GPC6: variants seen among roughly 807,000 people sequenced by gnomAD.
GPC6 encodes glypican-6.
Under a neutral mutation model 55.2 loss-of-function variants are expected in GPC6, and 14 were observed. That is an observed-to-expected ratio of 0.25 (90% CI 0.17 to 0.40). The LOEUF is 0.40. Ranked by LOEUF, GPC6 falls within the 10% of genes least tolerant of loss-of-function variation. The probability of loss-of-function intolerance (pLI) is 1.00; values close to 1 mark genes in which losing one functional copy is unlikely to be tolerated. For missense variants in GPC6, 641 were observed against 708.5 expected (o/e 0.90, Z 1.08); for synonymous variants, 278 against 259.6 (o/e 1.07, Z -0.68).
At chr13:93,844,500 T>A (rs1015290894) in intron 3 of GPC6, among the ~76,000 whole-genome samples, 2 of 152,086 alleles carry the variant, frequency 1.3e-5, no homozygotes, top group Non-Finnish European at 2.9e-5. Context: ...TGTTTGTTTT[T>A]TTCTTGTAAA....
At chr13:93,909,017 T>C (rs1411611693) in intron 3 of GPC6, among the ~76,000 whole-genome samples, 1 of 152,152 alleles carries the variant, frequency 6.6e-6, no homozygotes, top group Non-Finnish European at 1.5e-5. Flanking sequence ...ACTACCTATA[T>C]TGTATATATA....
chr13:93,782,874 C>T (rs974841457), intron 2 of GPC6, among the ~76,000 whole-genome samples: 1 of 151,988 alleles, frequency 6.6e-6, no homozygotes, highest in Non-Finnish European at 1.5e-5. Context: ...GGTACATGAA[C>T]AGAATGTGCA....
intron 1 of GPC6, among the ~76,000 whole-genome samples, chr13:93,324,628 C>T (rs1272856060): frequency 7.8e-6 from 1 of 127,774 alleles, no homozygotes; most frequent in African/African-American, 3.2e-5. Flanking sequence ...TCTGAGCAGC[C>T]TAGACAACAA....
chr13:93,314,884 C>T (rs1219556112), intron 1 of GPC6, among the ~76,000 whole-genome samples: 1 of 151,954 alleles, frequency 6.6e-6, no homozygotes, highest in Non-Finnish European at 1.5e-5. Flanking sequence ...ATAAGTTGTG[C>T]TTTTTTGTTT....
chr13:93,241,262 T>A (rs1876418363), intron 1 of GPC6, among the ~76,000 whole-genome samples: 1 of 152,218 alleles, frequency 6.6e-6, no homozygotes, highest in South Asian at 2.1e-4. Context: ...TTCTTCTCCT[T>A]CAGGAATACC....
intron 1 of GPC6, among the ~76,000 whole-genome samples, chr13:93,359,824 T>A (rs1012579571): frequency 4.6e-5 from 7 of 152,180 alleles, no homozygotes; most frequent in Admixed American, 3.9e-4. Context: ...GTCATTCTGT[T>A]CATATAATCT....
chr13:94,162,939 G>C (rs1888219862), intron 4 of GPC6, among the ~76,000 whole-genome samples: 1 of 152,168 alleles, frequency 6.6e-6, no homozygotes, highest in Non-Finnish European at 1.5e-5. Context: ...AGAGACCAGA[G>C]TCGTCCAAGA....
intron 7 of GPC6, among the ~76,000 whole-genome samples, chr13:94,386,187 G>A (rs368861700): frequency 5.3e-5 from 8 of 151,966 alleles, no homozygotes; most frequent in South Asian, 2.1e-4. Context: ...GTGAAACCCC[G>A]TCTCTACTAA....
chr13:93,416,238 T>A (rs1363949184), intron 1 of GPC6, among the ~76,000 whole-genome samples: 8 of 152,242 alleles, frequency 5.3e-5, no homozygotes, highest in Admixed American at 5.2e-4. Context: ...GGACTAAATT[T>A]AATTTTCCAA....
intron 6 of GPC6, among the ~76,000 whole-genome samples, chr13:94,324,358 G>A (rs1178412641): frequency 2.6e-5 from 4 of 151,260 alleles, no homozygotes; most frequent in Admixed American, 1.3e-4. Context: ...AGAAATACTG[G>A]TAGAGGACAT....
At chr13:94,382,141 T>C (rs1880184566) in intron 6 of GPC6, among the ~76,000 whole-genome samples, 1 of 152,152 alleles carries the variant, frequency 6.6e-6, no homozygotes, top group African/African-American at 2.4e-5. Flanking sequence ...TGATGCTTCG[T>C]AAGTTTTTAA....
rs1880148606 is a variant in GPC6, at chr13:93,968,560, CAT to C, written c.712-59168_712-59167del. Reference sequence around the variant, plus strand: ...AGCAAAATCCTGTTCTGAAGAAGCACATGTTTGGTACAAGCCACCTGAAATCA... The same window carrying C: ...AGCAAAATCCTGTTCTGAAGAAGCACGTTTGGTACAAGCCACCTGAAATCA... On this transcript the variant is annotated intron_variant, in intron 3 of 8. Coordinates refer to ENST00000377047, the MANE Select transcript of GPC6 (RefSeq NM_005708.5). 2.0e-5 allele frequency among the ~76,000 whole-genome samples: 3 copies of C among 152,200 alleles called. No homozygotes were observed. The Middle Eastern group carries it at 0.01, about 518-fold the overall frequency.
Position 93,887,491 on chromosome 13 carries a change from G to C in GPC6, c.711+56946G>C, listed in dbSNP as rs184217475. 2.4e-4 allele frequency among the ~76,000 whole-genome samples: 36 copies of C among 152,230 alleles called. No individual in the cohort carries two copies. The East Asian group carries it at 6.8e-3, about 29-fold the overall frequency. On this transcript the variant is annotated intron_variant, in intron 3 of 8. Transcript: ENST00000377047. ...AATTATTCATGACTGAATTTGAGAT[G>C]ATTCTGTCTTACGTGTTATATGGTA...
intron 6 of GPC6, among the ~76,000 whole-genome samples, chr13:94,377,094 A>G (rs1401157046): frequency 6.7e-6 from 1 of 150,266 alleles, no homozygotes; most frequent in Non-Finnish European, 1.5e-5. Flanking sequence ...AACCATAAAA[A>G]CCCTAGAAGA....
intron 2 of GPC6, among the ~76,000 whole-genome samples, chr13:93,745,303 C>A (rs1431094604): frequency 6.6e-6 from 1 of 152,076 alleles, no homozygotes; most frequent in Non-Finnish European, 1.5e-5. Context: ...ATGTCCCATG[C>A]CTTTTCACCA....
rs142020038 is a variant in GPC6, at chr13:93,449,379, G to A, written c.161-95884G>A. Among the ~76,000 whole-genome samples, 565 of 152,324 alleles carry A rather than the reference G, an allele frequency of 3.7e-3. 6 individuals carry two copies. Among genetic ancestry groups the A allele is most frequent in the Admixed American group, 7.1e-3 (108 of 15,302 alleles). ...GAAACGCAGGTGGGCACCCTGTCAT[G>A]GAGGTCCTGATGGTCAGAGATTGAA... On this transcript the variant is annotated intron_variant, in intron 1 of 8. Coordinates refer to ENST00000377047, the MANE Select transcript of GPC6 (RefSeq NM_005708.5).
chr13:93,998,321 T>G (rs904976703), intron 3 of GPC6, among the ~76,000 whole-genome samples: 4 of 152,218 alleles, frequency 2.6e-5, no homozygotes, highest in Non-Finnish European at 5.9e-5. Flanking sequence ...AATTTAATTT[T>G]TATTAATGGC....
chr13:93,584,201 G>T (rs1877079736), intron 2 of GPC6, among the ~76,000 whole-genome samples: 1 of 152,170 alleles, frequency 6.6e-6, no homozygotes, highest in Non-Finnish European at 1.5e-5. Context: ...AAGAAACATA[G>T]ATCAAAGAGG....
chr13:93,708,400 C>A (rs1882931326), intron 2 of GPC6, among the ~76,000 whole-genome samples: 1 of 151,750 alleles, frequency 6.6e-6, no homozygotes, highest in Middle Eastern at 3.2e-3. Flanking sequence ...AGCAACTTAG[C>A]AAAGATAGCA....
Sources: gnomAD v4.1 joint callset for allele counts (sites outside exome capture counted in the v4.1 genomes callset) on GRCh38, gnomAD v4.1.1 for gene constraint, MANE v1.5 for transcripts, NCBI Gene and HGNC (gene_info 2026-07-23, HGNC 2026-07-21) for gene names.